The following ARHGEF6 variants were observed in gnomAD, a reference collection of about 807,000 sequenced individuals.
The protein encoded by ARHGEF6 is Rac/Cdc42 guanine nucleotide exchange factor 6.
A neutral mutation model predicts 70.3 loss-of-function variants in ARHGEF6; 9 were observed. That is an observed-to-expected ratio of 0.13 (90% CI 0.08 to 0.22). The LOEUF is 0.22. ARHGEF6 is among the 10% of genes least tolerant of loss of function. ARHGEF6 has a pLI of 1.00. For synonymous variants in ARHGEF6, 201 were observed against 207.8 expected (o/e 0.97, Z 0.28); for missense variants, 470 against 563.0 (o/e 0.83, Z 1.67).
chrX:136,727,421 CTTTCTTTCCT>C (rs2076878822), intron 6 of ARHGEF6, among the ~76,000 whole-genome samples: 1 of 96,060 alleles, frequency 1.0e-5, no homozygotes, highest in Admixed American at 1.2e-4. Flanking sequence ...CTCTTTCTTT[CTTTCTTTCCT>C]TCTTTCTTTC....
At chrX:136,712,290 T>C (rs1294677328) in intron 7 of ARHGEF6, among the ~76,000 whole-genome samples, 2 of 111,548 alleles carry the variant, frequency 1.8e-5, no homozygotes, top group African/African-American at 6.5e-5. Flanking sequence ...CTTTTGTATT[T>C]TTAGTAGAAA....
intron 2 of ARHGEF6, among the ~76,000 whole-genome samples, chrX:136,774,488 T>C (rs2077387127): frequency 9.2e-6 from 1 of 108,165 alleles, no homozygotes; most frequent in Non-Finnish European, 1.9e-5. Context: ...CCGTCTCTAC[T>C]AAAAATACAA....
chrX:136,747,747 A>T (rs965953340), intron 2 of ARHGEF6, among the ~76,000 whole-genome samples, 155 bp from the exon 3 acceptor site: 3 of 107,435 alleles, frequency 2.8e-5, no homozygotes, highest in East Asian at 2.9e-4. Context: ...CCTTTGGGAG[A>T]AATGAGAGCA....
At chrX:136,743,326 A>C (rs979730078) in intron 5 of ARHGEF6, among the ~76,000 whole-genome samples, 3 of 112,386 alleles carry the variant, frequency 2.7e-5, no homozygotes, top group Non-Finnish European at 1.9e-5. Context: ...AAAGGGATAC[A>C]GTTAGGGTGG....
chrX:136,773,284 T>C, intron 2 of ARHGEF6, among the ~76,000 whole-genome samples: 1 of 111,915 alleles, frequency 8.9e-6, no homozygotes, highest in Non-Finnish European at 1.9e-5. Flanking sequence ...ACATCTACAG[T>C]TTTATAGGGT....
intron 2 of ARHGEF6, among the ~76,000 whole-genome samples, chrX:136,764,409 C>T (rs745354000): frequency 8.9e-6 from 1 of 112,148 alleles, no homozygotes; most frequent in East Asian, 2.8e-4. Context: ...AAAAACAAAA[C>T]ATGGTATATC....
intron 19 of ARHGEF6, among the ~76,000 whole-genome samples, chrX:136,674,247 T>C (rs768060575): frequency 8.9e-5 from 10 of 112,526 alleles, no homozygotes; most frequent in Non-Finnish European, 1.1e-4. Flanking sequence ...CCTCCCACAT[T>C]CAAATGATTG....
intron 21 of ARHGEF6, among the ~76,000 whole-genome samples, chrX:136,668,533 C>CTTCTTCTTCTTCTTA (rs61661248): frequency 2.0e-5 from 2 of 98,461 alleles, no homozygotes; most frequent in African/African-American, 7.6e-5. Flanking sequence ...TCTTCTTCTT[C>CTTCTTCTTCTTCTTA]TTATTATTAT....
chrX:136,761,195 C>T (rs2077260393), intron 2 of ARHGEF6, among the ~76,000 whole-genome samples: 1 of 112,125 alleles, frequency 8.9e-6, no homozygotes, highest in African/African-American at 3.2e-5. Flanking sequence ...GGAAACCATA[C>T]ACAAATTGTT....
intron 2 of ARHGEF6, among the ~76,000 whole-genome samples, chrX:136,772,883 C>CA (rs748772448): frequency 1.2e-3 from 128 of 111,272 alleles, no homozygotes; most frequent in Middle Eastern, 4.6e-3. Context: ...ACAACAACAA[C>CA]AAAAAAAATT....
At chrX:136,668,221 G>A (rs759966920) in intron 21 of ARHGEF6, 52 bp from the exon 22 acceptor site, 1 of 1,189,048 alleles carries the variant, frequency 8.4e-7, no homozygotes, top group Admixed American at 2.2e-5. Flanking sequence ...GCCCTTCCAA[G>A]GGCTCCTCCT....
At chrX:136,722,775 A>C (rs1266599098) in intron 6 of ARHGEF6, among the ~76,000 whole-genome samples, 1 of 112,374 alleles carries the variant, frequency 8.9e-6, no homozygotes, top group Non-Finnish European at 1.9e-5. Context: ...TCAAACATAG[A>C]ATTACCATGT....
intron 7 of ARHGEF6, among the ~76,000 whole-genome samples, chrX:136,709,558 A>C (rs1166236099): frequency 8.8e-6 from 1 of 113,266 alleles, no homozygotes; most frequent in Non-Finnish European, 1.9e-5. Context: ...AATCATCCAA[A>C]GGTACAAAGC....
intron 2 of ARHGEF6, among the ~76,000 whole-genome samples, chrX:136,760,340 C>A (rs1201792012): frequency 8.9e-6 from 1 of 112,509 alleles, no homozygotes; most frequent in Admixed American, 9.4e-5. Context: ...ACCTCTCAGA[C>A]TGATCCTTGA....
chrX:136,761,844 A>G (rs111705907), intron 2 of ARHGEF6, among the ~76,000 whole-genome samples: 1,140 of 111,973 alleles, frequency 0.01, 21 homozygotes, highest in African/African-American at 0.035. Context: ...CCCTGTCTCA[A>G]TTGCAAATGT....
At chrX:136,677,220 A>C (rs1177617987) in intron 17 of ARHGEF6, among the ~76,000 whole-genome samples, 3 of 112,510 alleles carry the variant, frequency 2.7e-5, no homozygotes, top group Non-Finnish European at 5.6e-5. Flanking sequence ...TCCATTTGTG[A>C]GACAGAAAAA....
intron 5 of ARHGEF6, among the ~76,000 whole-genome samples, chrX:136,732,832 G>A (rs2076949176): frequency 9.0e-6 from 1 of 111,394 alleles, no homozygotes; most frequent in African/African-American, 3.3e-5. Flanking sequence ...GGGTTTATCA[G>A]TATGTAACCC....
At chrX:136,711,055 G>A (rs1201297722) in intron 7 of ARHGEF6, among the ~76,000 whole-genome samples, 1 of 111,915 alleles carries the variant, frequency 8.9e-6, no homozygotes, top group Non-Finnish European at 1.9e-5. Context: ...CTGCTGGTGG[G>A]AATGTTAGTA....
rs187677975 is a variant in ARHGEF6, at chrX:136,720,504, C to T, written c.733-7134G>A. ...TTCTCAACTTGATAAAGAACAGCTACGAAAAAAAAAGGGAAAAAAAAGCTA... is the reference window on the plus strand; with the variant it reads ...TTCTCAACTTGATAAAGAACAGCTATGAAAAAAAAAGGGAAAAAAAAGCTA... On this transcript the variant is annotated intron_variant, in intron 6 of 21. Coordinates refer to ENST00000250617, the MANE Select transcript of ARHGEF6 (RefSeq NM_004840.3). Among the ~76,000 whole-genome samples, 163 of 104,291 alleles carry T rather than the reference C, an allele frequency of 1.6e-3. 1 individual carries two copies. The highest frequency in any genetic ancestry group is 5.6e-3 in the African/African-American group (158 of 28,368). The allele number at this position is 104,291 out of a possible 115,157, so 90.6% of individuals were successfully genotyped here.
Sources: allele counts gnomAD v4.1 joint callset (sites outside exome capture counted in the v4.1 genomes callset), GRCh38; gene constraint gnomAD v4.1.1; transcripts MANE v1.5; gene names NCBI Gene and HGNC (gene_info 2026-07-23, HGNC 2026-07-21).